KCNIP4: variants seen among roughly 807,000 people sequenced by gnomAD.
The protein encoded by KCNIP4 is potassium voltage-gated channel interacting protein 4.
KCNIP4 carries 12 observed loss-of-function variants against 34.0 expected under a neutral mutation model. That is an observed-to-expected ratio of 0.35 (90% CI 0.23 to 0.57). KCNIP4 has a LOEUF of 0.57. KCNIP4 is among the 20% of genes least tolerant of loss of function. The probability of loss-of-function intolerance (pLI) is 0.83; values close to 1 mark genes in which losing one functional copy is unlikely to be tolerated. For missense variants in KCNIP4, 238 were observed against 311.7 expected (o/e 0.76, Z 1.78); for synonymous variants, 124 against 102.2 (o/e 1.21, Z -1.29).
intron 1 of KCNIP4, among the ~76,000 whole-genome samples, chr4:21,240,358 T>A (rs1322065898): frequency 6.6e-6 from 1 of 151,860 alleles, no homozygotes; most frequent in Non-Finnish European, 1.5e-5. Flanking sequence ...ACATGTACCC[T>A]AAAACTTAAA....
At chr4:21,334,822 G>A (rs1716012535) in intron 1 of KCNIP4, among the ~76,000 whole-genome samples, 2 of 152,022 alleles carry the variant, frequency 1.3e-5, no homozygotes, top group African/African-American at 2.4e-5. Context: ...GTCCAACTCT[G>A]TGGTAGCATG....
chr4:20,742,493 A>G (rs1039051867), intron 5 of KCNIP4, among the ~76,000 whole-genome samples: 2 of 152,232 alleles, frequency 1.3e-5, no homozygotes, highest in African/African-American at 2.4e-5. Context: ...CAGACACAGA[A>G]GAGGCCTTTG....
chr4:20,859,586 C>T (rs1467606389), intron 2 of KCNIP4, among the ~76,000 whole-genome samples: 3 of 152,162 alleles, frequency 2.0e-5, no homozygotes, highest in African/African-American at 7.2e-5. Flanking sequence ...ACAGTCCCCT[C>T]AGGCCATGAC....
intron 1 of KCNIP4, among the ~76,000 whole-genome samples, chr4:21,380,290 G>A (rs1271762114): frequency 6.6e-6 from 1 of 151,986 alleles, no homozygotes; most frequent in Non-Finnish European, 1.5e-5. Flanking sequence ...ATTAGCCAAT[G>A]TAAGATTTTA....
intron 1 of KCNIP4, among the ~76,000 whole-genome samples, chr4:21,900,608 G>C (rs545137951): frequency 2.0e-5 from 3 of 152,174 alleles, no homozygotes; most frequent in Non-Finnish European, 2.9e-5. Flanking sequence ...TACTAAATAT[G>C]TCATTTTTCA....
At chr4:21,353,663 T>A (rs1718256374) in intron 1 of KCNIP4, among the ~76,000 whole-genome samples, 1 of 152,170 alleles carries the variant, frequency 6.6e-6, no homozygotes, top group South Asian at 2.1e-4. Flanking sequence ...AGACCAAATC[T>A]ACATTTGATT....
chr4:20,849,394 T>A (rs1290841285), intron 3 of KCNIP4, among the ~76,000 whole-genome samples: 1 of 152,158 alleles, frequency 6.6e-6, no homozygotes, highest in Non-Finnish European at 1.5e-5. Context: ...TGGAAACTTG[T>A]GTGCAATGCG....
At chr4:21,226,705 C>G (rs563756435) in intron 1 of KCNIP4, among the ~76,000 whole-genome samples, 2 of 152,138 alleles carry the variant, frequency 1.3e-5, no homozygotes, top group Non-Finnish European at 2.9e-5. Flanking sequence ...CTACTGGTTT[C>G]AGGGCCTGGG....
At chr4:21,498,441 A>G (rs1733029221) in intron 1 of KCNIP4, among the ~76,000 whole-genome samples, 1 of 152,180 alleles carries the variant, frequency 6.6e-6, no homozygotes, top group Admixed American at 6.5e-5. Context: ...TACTATTAAA[A>G]CTTTTAAAAA....
chr4:21,924,413 T>G lies in KCNIP4; in HGVS notation c.61+24158A>C, dbSNP rs1729119818. Among the ~76,000 whole-genome samples, 7 of 151,950 alleles carry G rather than the reference T, an allele frequency of 4.6e-5. No homozygotes were observed. The South Asian group carries it at 1.5e-3, about 32-fold the overall frequency. On this transcript the variant is annotated intron_variant, in intron 1 of 8. Transcript: ENST00000382152. ...TGCCCACCACCACACCTGGCTAATT[T>G]TTTTGTATTTTTAGTAGAGACAGGG...
intron 1 of KCNIP4, among the ~76,000 whole-genome samples, chr4:21,921,617 G>A (rs561118665): frequency 6.6e-6 from 1 of 152,200 alleles, no homozygotes; most frequent in East Asian, 1.9e-4. Flanking sequence ...CACCCATGCA[G>A]TAGCTCAAGC....
chr4:21,117,199 C>T (rs532674089), intron 1 of KCNIP4, among the ~76,000 whole-genome samples: 1 of 150,772 alleles, frequency 6.6e-6, no homozygotes, highest in Middle Eastern at 3.5e-3. Flanking sequence ...AGAGCAGCAA[C>T]TTTCACTTGT....
intron 1 of KCNIP4, among the ~76,000 whole-genome samples, chr4:21,300,852 A>G (rs1276158769): frequency 4.6e-5 from 7 of 152,128 alleles, no homozygotes; most frequent in African/African-American, 1.7e-4. Context: ...TTCCTGTTAC[A>G]CTCATTGAAG....
intron 1 of KCNIP4, among the ~76,000 whole-genome samples, chr4:21,518,650 T>C (rs1032534183): frequency 9.2e-5 from 14 of 152,094 alleles, no homozygotes; most frequent in African/African-American, 3.4e-4. Flanking sequence ...AGAGTCATTT[T>C]TCATCTGTAT....
intron 1 of KCNIP4, among the ~76,000 whole-genome samples, chr4:21,712,263 G>A (rs1713789739): frequency 6.6e-6 from 1 of 152,056 alleles, no homozygotes. Flanking sequence ...ATACCATACT[G>A]TATTTAGGGA....
At chr4:21,291,912 AAAGAAAG>A (rs1763529568) in intron 1 of KCNIP4, among the ~76,000 whole-genome samples, 2 of 93,012 alleles carry the variant, frequency 2.2e-5, no homozygotes, top group Non-Finnish European at 3.9e-5. Context: ...AGAAAGAAAG[AAAGAAAG>A]AAAGAAAGAA....
intron 1 of KCNIP4, among the ~76,000 whole-genome samples, chr4:21,404,980 C>G (rs1048012345): frequency 1.3e-5 from 2 of 152,120 alleles, no homozygotes; most frequent in Non-Finnish European, 2.9e-5. Flanking sequence ...CTTGTAAAAA[C>G]CAGTTTTAGC....
At chr4:21,391,885 G>A (rs904726572) in intron 1 of KCNIP4, among the ~76,000 whole-genome samples, 9 of 152,236 alleles carry the variant, frequency 5.9e-5, no homozygotes, top group Middle Eastern at 3.4e-3. Context: ...AGTAATGGAG[G>A]CATAATAGTG....
chr4:20,800,471 C>A (rs907638751), intron 3 of KCNIP4, among the ~76,000 whole-genome samples: 3 of 152,104 alleles, frequency 2.0e-5, no homozygotes, highest in African/African-American at 7.2e-5. Flanking sequence ...AAGAGGAATT[C>A]ATAATAATAT....
Sources: allele counts gnomAD v4.1 joint callset (sites outside exome capture counted in the v4.1 genomes callset), GRCh38; gene constraint gnomAD v4.1.1; transcripts MANE v1.5; gene names NCBI Gene and HGNC (gene_info 2026-07-23, HGNC 2026-07-21).